RNF8: variants seen among roughly 807,000 people sequenced by gnomAD.
RNF8 encodes the protein ring finger protein 8.
In RNF8, 8 loss-of-function variants were observed where a neutral mutation model predicts 59.3. The observed-to-expected ratio is 0.13, with a 90% CI of 0.08 to 0.24. The LOEUF (loss-of-function observed/expected upper bound fraction) is 0.24, where lower values mean the gene tolerates loss of function less well. RNF8 is among the 10% of genes least tolerant of loss of function. The pLI, the probability that RNF8 is intolerant of heterozygous loss-of-function variation, is 1.00. For missense variants in RNF8, 406 were observed against 572.6 expected (o/e 0.71, Z 2.97); for synonymous variants, 162 against 200.0 (o/e 0.81, Z 1.60).
rs1769677940 is a variant in RNF8, at chr6:37,368,840, C to G, written c.597C>G (p.Pro199=). ...SQGKGEVAST[P]SDNLDPKLTA... ...GGAAAGGTGAAGTGGCCAGTACACC[C>G]TCTGACAATTTGGATCCTAAGTTGA... The change falls in exon 3 of 8, where the codon CCC becomes CCG. Residue 199 remains proline, a synonymous_variant. Transcript: ENST00000373479. The G allele has an allele frequency of 6.2e-7, 1 of 1,613,968 alleles. No individual in the cohort carries two copies. The highest frequency in any genetic ancestry group is 2.2e-5 in the East Asian group (1 of 44,896).
In RNF8 at chr6:37,376,613, C is replaced by A. The variant is rs147234221; in HGVS notation, c.1129-313C>A. Among the ~76,000 whole-genome samples the A allele has an allele frequency of 8.4e-3, 1,276 of 152,200 alleles. 16 individuals are homozygous for A. Among genetic ancestry groups the A allele is most frequent in the African/African-American group, 0.025 (1,058 of 41,510 alleles). Reference sequence around the variant, plus strand: ...GCATGGAGCCCTCATGACCTAGTCACCTCCCAAAGGCCCCACCTCTTAATA... The same window carrying A: ...GCATGGAGCCCTCATGACCTAGTCAACTCCCAAAGGCCCCACCTCTTAATA... On this transcript the variant is annotated intron_variant, in intron 5 of 7. Coordinates refer to ENST00000373479, the MANE Select transcript of RNF8 (RefSeq NM_003958.4).
chr6:37,359,623 A>G (rs2113814417), intron 1 of RNF8, among the ~76,000 whole-genome samples: 2 of 152,346 alleles, frequency 1.3e-5, no homozygotes, highest in Middle Eastern at 6.8e-3. Context: ...AGTATAGAGC[A>G]GAAGAGACAG....
Position 37,381,373 on chromosome 6 carries a change from T to C in RNF8, c.1441+19T>C, listed in dbSNP as rs545351061. On this transcript the variant is annotated intron_variant, in intron 7 of 7. Coordinates refer to ENST00000373479, the MANE Select transcript of RNF8 (RefSeq NM_003958.4). Reference sequence around the variant, plus strand: ...CGAAAAGGTGAGTGGGTGTGAGAATTCCTACCCCTCAAGAAAGGACTTATT... The same window carrying C: ...CGAAAAGGTGAGTGGGTGTGAGAATCCCTACCCCTCAAGAAAGGACTTATT... The C allele has an allele frequency of 5.0e-6, 8 of 1,604,442 alleles. No individual in the cohort carries two copies. In the East Asian group the frequency reaches 6.7e-5, roughly 13 times the overall value.
intron 7 of RNF8, among the ~76,000 whole-genome samples, chr6:37,386,659 C>T (rs195429): frequency 0.22 from 34,042 of 152,098 alleles, 7,925 homozygotes; most frequent in African/African-American, 0.6. Context: ...CACCATGTTG[C>T]ACTGAAAGTG....
chr6:37,382,388 A>T (rs1344350523), intron 7 of RNF8, among the ~76,000 whole-genome samples: 1 of 152,216 alleles, frequency 6.6e-6, no homozygotes, highest in African/African-American at 2.4e-5. Flanking sequence ...ACACAGAGGC[A>T]TGAGAAGCAG....
At chr6:37,378,901 G>A (rs1269797613) in intron 6 of RNF8, among the ~76,000 whole-genome samples, 1 of 152,176 alleles carries the variant, frequency 6.6e-6, no homozygotes, top group South Asian at 2.1e-4. Flanking sequence ...CATCTGCAGA[G>A]ACATATAAGA....
intron 4 of RNF8, among the ~76,000 whole-genome samples, chr6:37,372,285 G>A (rs1040710197): frequency 1.3e-5 from 2 of 152,082 alleles, no homozygotes; most frequent in African/African-American, 4.8e-5. Flanking sequence ...AATTTGTTCA[G>A]GGGAATTTAT....
At chr6:37,362,544 G>A (rs935789814) in intron 2 of RNF8, among the ~76,000 whole-genome samples, 2 of 152,194 alleles carry the variant, frequency 1.3e-5, no homozygotes, top group Non-Finnish European at 2.9e-5. Context: ...TAGGACTGGG[G>A]TGTTTTGATG....
intron 3 of RNF8, 93 bp downstream of exon 3, chr6:37,369,311 G>C: frequency 7.0e-7 from 1 of 1,419,844 alleles, no homozygotes; most frequent in African/African-American, 1.4e-5. Context: ...TCTGGGCCAG[G>C]TACCAAATTC....
chr6:37,369,059 T>C lies in RNF8; in HGVS notation c.816T>C (p.Asn272=), dbSNP rs927495974. 6.2e-7 allele frequency: 1 copy of C among 1,614,126 alleles called. No individual in the cohort carries two copies. The highest frequency in any genetic ancestry group is 8.5e-7 in the Non-Finnish European group (1 of 1,180,018). ...AGGAAAAACATGAAGCCGTTATGAA[T>C]GTGAAAAAGCAGACCCAAAAGGGGA... ...QMQEKHEAVM[N]VKKQTQKGNS... is the part of the protein sequence containing the mutation. Residue 272 remains asparagine (N), a synonymous_variant, in exon 3 of 8, where the codon AAT becomes AAC. Transcript: ENST00000373479.
intron 3 of RNF8, among the ~76,000 whole-genome samples, chr6:37,370,663 G>C (rs895500990): frequency 1.3e-5 from 2 of 148,798 alleles, no homozygotes; most frequent in African/African-American, 5.0e-5. Flanking sequence ...ATCCCCTACT[G>C]CTGGTTTAGA....
chr6:37,376,505 T>C (rs1770026462), intron 5 of RNF8, among the ~76,000 whole-genome samples: 1 of 151,980 alleles, frequency 6.6e-6, no homozygotes, highest in Admixed American at 6.6e-5. Flanking sequence ...GTAGATGGAG[T>C]CTTGCCATGT....
chr6:37,380,888 G>T (rs1313218580), intron 6 of RNF8, among the ~76,000 whole-genome samples: 1 of 151,938 alleles, frequency 6.6e-6, no homozygotes, highest in Non-Finnish European at 1.5e-5. Flanking sequence ...TTACCATGTT[G>T]CCCAGGCTGG....
In RNF8 at chr6:37,391,275, T is replaced by C. The variant is rs1770720177; in HGVS notation, c.*517T>C. 1.2e-5 allele frequency: 2 copies of C among 163,402 alleles called. No individual in the cohort carries two copies. Among genetic ancestry groups the C allele is most frequent in the South Asian group, 1.6e-4 (1 of 6,164 alleles). 10.1% of individuals were successfully genotyped at this position (163,402 alleles called of 1,614,324 possible). ...TTTGGTGTATTTACCTTCCTTCCCT[T>C]CCTGCTCCCAGACAGTCTCACAAGT... On this transcript the variant is annotated 3_prime_UTR_variant, in exon 8 of 8. Coordinates refer to ENST00000373479, the MANE Select transcript of RNF8 (RefSeq NM_003958.4).
intron 6 of RNF8, among the ~76,000 whole-genome samples, chr6:37,380,497 C>T (rs1770207935): frequency 1.3e-5 from 2 of 151,712 alleles, no homozygotes; most frequent in Non-Finnish European, 2.9e-5. Flanking sequence ...GGTGAAACCC[C>T]GTCTCTACTA....
At chr6:37,367,722 A>G (rs77192041) in intron 2 of RNF8, among the ~76,000 whole-genome samples, 3,474 of 152,306 alleles carry the variant, frequency 0.023, 108 homozygotes, top group East Asian at 0.09. Context: ...TTTATTAAGC[A>G]TTTATTCTAT....
In RNF8 at chr6:37,393,352, AC is replaced by A. The variant is rs1770777498; in HGVS notation, c.*2597del. The A allele has an allele frequency of 6.6e-6, 1 of 152,128 alleles. No homozygotes were observed. Among genetic ancestry groups the A allele is most frequent in the Non-Finnish European group, 1.5e-5 (1 of 68,028 alleles). The allele number at this position is 152,128 out of a possible 1,614,324, so 9.4% of individuals were successfully genotyped here. On this transcript the variant is annotated 3_prime_UTR_variant, in exon 8 of 8. Transcript: ENST00000373479. Reference sequence around the variant, plus strand: ...TGTTTAAAAGACAAACCAAAAATTAACCCAAACTTGCATTATTTGTCTGAGC... The same window carrying A: ...TGTTTAAAAGACAAACCAAAAATTAACCAAACTTGCATTATTTGTCTGAGC...
chr6:37,368,285 G>A, intron 2 of RNF8, 199 bp from the exon 3 acceptor site: 1 of 1,273,758 alleles, frequency 7.9e-7, no homozygotes, highest in South Asian at 1.3e-5. Flanking sequence ...AGGCATGAAT[G>A]TGAAATATAG....
rs1464473960 is a variant in RNF8, at chr6:37,381,365, G to A, written c.1441+11G>A. On this transcript the variant is annotated intron_variant, in intron 7 of 7. Coordinates refer to ENST00000373479, the MANE Select transcript of RNF8 (RefSeq NM_003958.4). Reference sequence around the variant, plus strand: ...TTAGGGAACGAAAAGGTGAGTGGGTGTGAGAATTCCTACCCCTCAAGAAAG... The same window carrying A: ...TTAGGGAACGAAAAGGTGAGTGGGTATGAGAATTCCTACCCCTCAAGAAAG... 1.2e-6 allele frequency: 2 copies of A among 1,610,534 alleles called. No individual in the cohort carries two copies. Among genetic ancestry groups the A allele is most frequent in the East Asian group, 2.2e-5 (1 of 44,846 alleles).
Sources: gnomAD v4.1 joint callset for allele counts (sites outside exome capture counted in the v4.1 genomes callset) on GRCh38, gnomAD v4.1.1 for gene constraint, MANE v1.5 for transcripts, NCBI Gene and HGNC (gene_info 2026-07-23, HGNC 2026-07-21) for gene names.